Variants in MFHAS1 observed in about 807,000 individuals in gnomAD.
MFHAS1 encodes the protein multifunctional ROCO family signaling regulator 1, also known as malignant fibrous histiocytoma-amplified sequence 1.
A neutral mutation model predicts 70.4 loss-of-function variants in MFHAS1; 50 were observed. That is an observed-to-expected ratio of 0.71 (90% CI 0.57 to 0.90). The LOEUF (loss-of-function observed/expected upper bound fraction) is 0.90, where lower values mean the gene tolerates loss of function less well. MFHAS1 is among the 40% of genes least tolerant of loss of function. The probability of loss-of-function intolerance (pLI) is 0.00; values close to 1 mark genes in which losing one functional copy is unlikely to be tolerated. For missense variants in MFHAS1, 1,795 were observed against 1,347.6 expected, an observed-to-expected ratio of 1.33 and a Z score of -5.20; for synonymous variants, 952 against 620.0, an observed-to-expected ratio of 1.54 and a Z score of -7.96.
At chr8:8,843,370 G>A (rs940254358) in intron 1 of MFHAS1, among the ~76,000 whole-genome samples, 1 of 151,902 alleles carries the variant, frequency 6.6e-6, no homozygotes, top group Admixed American at 6.6e-5. Flanking sequence ...AATCACTTGA[G>A]GCCAGGAGTT....
intron 1 of MFHAS1, among the ~76,000 whole-genome samples, chr8:8,831,460 C>T (rs1039936208): frequency 5.3e-5 from 8 of 152,010 alleles, no homozygotes; most frequent in Non-Finnish European, 1.0e-4. Flanking sequence ...TAAGCAGGGT[C>T]GGGCCTCGTT....
intron 1 of MFHAS1, among the ~76,000 whole-genome samples, chr8:8,811,152 G>T (rs1281516022): frequency 2.0e-5 from 3 of 151,954 alleles, no homozygotes; most frequent in Non-Finnish European, 2.9e-5. Flanking sequence ...CCCTACCCAA[G>T]TGTCATCCGC....
At chr8:8,812,435 G>A (rs28478802) in intron 1 of MFHAS1, among the ~76,000 whole-genome samples, 16,557 of 152,094 alleles carry the variant, frequency 0.11, 1,129 homozygotes, top group African/African-American at 0.18. Flanking sequence ...CCTCTGGGTC[G>A]GCTATCTAGG....
At chr8:8,883,949 A>T (rs532776241) in intron 1 of MFHAS1, among the ~76,000 whole-genome samples, 1 of 151,162 alleles carries the variant, frequency 6.6e-6, no homozygotes, top group Non-Finnish European at 1.5e-5. Context: ...TCTAATCCCA[A>T]CATTTTGGGA....
At chr8:8,855,076 TG>T (rs1808386545) in intron 1 of MFHAS1, among the ~76,000 whole-genome samples, 1 of 152,082 alleles carries the variant, frequency 6.6e-6, no homozygotes, top group African/African-American at 2.4e-5. Flanking sequence ...TCAGTATATA[TG>T]GGGGGTTTGG....
At chr8:8,787,292 G>A (rs934535290) in intron 2 of MFHAS1, among the ~76,000 whole-genome samples, 5 of 152,122 alleles carry the variant, frequency 3.3e-5, no homozygotes, top group African/African-American at 9.7e-5. Flanking sequence ...ATGTTAGCCA[G>A]GATGATCTTG....
At chr8:8,829,610 G>C (rs1807292675) in intron 1 of MFHAS1, among the ~76,000 whole-genome samples, 1 of 152,172 alleles carries the variant, frequency 6.6e-6, no homozygotes, top group African/African-American at 2.4e-5. Context: ...GAACCCAGTA[G>C]GTGGAGGTTG....
At chr8:8,855,513 A>G (rs1024436809) in intron 1 of MFHAS1, among the ~76,000 whole-genome samples, 3 of 152,228 alleles carry the variant, frequency 2.0e-5, no homozygotes, top group Non-Finnish European at 4.4e-5. Context: ...AATTTATTCT[A>G]TCATTCTATA....
At chr8:8,837,845 C>A (rs2116847402) in intron 1 of MFHAS1, among the ~76,000 whole-genome samples, 1 of 152,272 alleles carries the variant, frequency 6.6e-6, no homozygotes, top group African/African-American at 2.4e-5. Context: ...AATGGTACAA[C>A]CGCTACAGAA....
chr8:8,789,104 G>T (rs538993014), intron 2 of MFHAS1, among the ~76,000 whole-genome samples: 31 of 152,204 alleles, frequency 2.0e-4, no homozygotes, highest in African/African-American at 7.2e-4. Flanking sequence ...CTCAGTCACA[G>T]GAACCTTGGC....
intron 1 of MFHAS1, among the ~76,000 whole-genome samples, chr8:8,877,010 T>A (rs1809323039): frequency 1.3e-5 from 2 of 151,384 alleles, no homozygotes; most frequent in Non-Finnish European, 2.9e-5. Context: ...TAAGACATGG[T>A]GGTCCAGGGC....
chr8:8,840,386 G>C (rs960199293), intron 1 of MFHAS1, among the ~76,000 whole-genome samples: 1 of 149,994 alleles, frequency 6.7e-6, no homozygotes, highest in Non-Finnish European at 1.5e-5. Flanking sequence ...GAACCTGGGA[G>C]ACGGAGCTTG....
At chr8:8,788,045 T>C (rs1805612115) in intron 2 of MFHAS1, among the ~76,000 whole-genome samples, 1 of 152,212 alleles carries the variant, frequency 6.6e-6, no homozygotes, top group South Asian at 2.1e-4. Flanking sequence ...CCTGGAACTT[T>C]TCCTGATTCT....
intron 1 of MFHAS1, among the ~76,000 whole-genome samples, chr8:8,837,722 G>A (rs759058386): frequency 2.2e-4 from 34 of 151,188 alleles, no homozygotes; most frequent in Admixed American, 1.1e-3. Flanking sequence ...AACACAATGA[G>A]ATACCACTGC....
At chr8:8,802,736 G>C (rs772517468) in intron 1 of MFHAS1, among the ~76,000 whole-genome samples, 8 of 152,170 alleles carry the variant, frequency 5.3e-5, no homozygotes, top group Admixed American at 1.3e-4. Flanking sequence ...TGTCCTCTGG[G>C]TGCCAACAAA....
chr8:8,832,502 T>G (rs1807439790), intron 1 of MFHAS1, among the ~76,000 whole-genome samples: 1 of 151,466 alleles, frequency 6.6e-6, no homozygotes, highest in Non-Finnish European at 1.5e-5. Context: ...ATGCTCATCA[T>G]TAGCTATCAG....
intron 1 of MFHAS1, among the ~76,000 whole-genome samples, chr8:8,882,154 G>A (rs1465321372): frequency 6.6e-6 from 1 of 152,098 alleles, no homozygotes; most frequent in Non-Finnish European, 1.5e-5. Flanking sequence ...GCCAAAGCGG[G>A]CAGACCACCT....
chr8:8,868,198 G>A (rs542595068), intron 1 of MFHAS1, among the ~76,000 whole-genome samples: 3 of 152,038 alleles, frequency 2.0e-5, no homozygotes, highest in South Asian at 4.2e-4. Flanking sequence ...GGAAACTCCT[G>A]CTTTATGAAT....
intron 1 of MFHAS1, among the ~76,000 whole-genome samples, chr8:8,861,624 T>A (rs897454345): frequency 6.6e-6 from 1 of 152,310 alleles, no homozygotes; most frequent in South Asian, 2.1e-4. Flanking sequence ...ATTTTAAACG[T>A]AGAACTTGAT....
Sources: gnomAD v4.1 joint callset for allele counts (sites outside exome capture counted in the v4.1 genomes callset) on GRCh38, gnomAD v4.1.1 for gene constraint, MANE v1.5 for transcripts, NCBI Gene and HGNC (gene_info 2026-07-23, HGNC 2026-07-21) for gene names.